The following NRXN1 variants were observed in gnomAD, a reference collection of about 807,000 sequenced individuals.
NRXN1 encodes neurexin 1.
NRXN1 carries 39 observed loss-of-function variants against 150.9 expected under a neutral mutation model. That is an observed-to-expected ratio of 0.26 (90% CI 0.20 to 0.34). NRXN1 has a LOEUF of 0.34. Ranked by LOEUF, NRXN1 falls within the 10% of genes least tolerant of loss-of-function variation. The probability of loss-of-function intolerance (pLI) is 1.00; values close to 1 mark genes in which losing one functional copy is unlikely to be tolerated. For synonymous variants in NRXN1, 924 were observed against 757.0 expected, an observed-to-expected ratio of 1.22 and a Z score of -3.62; for missense variants, 1,815 against 1,949.9, an observed-to-expected ratio of 0.93 and a Z score of 1.30.
chr2:50,298,965 T>C (rs2073897289), intron 17 of NRXN1, among the ~76,000 whole-genome samples: 1 of 152,176 alleles, frequency 6.6e-6, no homozygotes, highest in African/African-American at 2.4e-5. Flanking sequence ...TAATGTCCTG[T>C]CTTCCATAGA....
chr2:50,463,376 T>C (rs978400373), intron 17 of NRXN1, among the ~76,000 whole-genome samples: 6 of 151,796 alleles, frequency 4.0e-5, no homozygotes, highest in Non-Finnish European at 7.4e-5. Context: ...CCACTGAAAC[T>C]CCAACGTATA....
chr2:50,497,243 C>T (rs553401190), intron 14 of NRXN1, 90 bp downstream of exon 14: 3 of 984,612 alleles, frequency 3.0e-6, no homozygotes, highest in Non-Finnish European at 1.4e-6. Context: ...CCTTATGAGC[C>T]AGTATGTTCT....
chr2:50,484,362 T>C (rs1229928122), intron 15 of NRXN1, among the ~76,000 whole-genome samples: 1 of 152,224 alleles, frequency 6.6e-6, no homozygotes, highest in Non-Finnish European at 1.5e-5. Flanking sequence ...TATAGTGTAA[T>C]TTCCTAGTGC....
chr2:50,482,427 TC>T (rs1411394188), intron 15 of NRXN1, among the ~76,000 whole-genome samples: 3 of 152,336 alleles, frequency 2.0e-5, no homozygotes, highest in Admixed American at 6.5e-5. Context: ...TCCTTTTGTC[TC>T]ATCCAAATGA....
At chr2:50,952,315 T>G (rs1009331852) in intron 2 of NRXN1, among the ~76,000 whole-genome samples, 2 of 152,178 alleles carry the variant, frequency 1.3e-5, no homozygotes, top group African/African-American at 4.8e-5. Context: ...AAATTCTATC[T>G]TTTCTCACAC....
intron 2 of NRXN1, among the ~76,000 whole-genome samples, chr2:51,015,137 C>G (rs752975453): frequency 1.3e-5 from 2 of 151,950 alleles, no homozygotes; most frequent in East Asian, 1.9e-4. Context: ...TCTCAATGTC[C>G]TCATTGTTTC....
At chr2:50,301,436 A>G (rs2074140040) in intron 17 of NRXN1, among the ~76,000 whole-genome samples, 2 of 152,220 alleles carry the variant, frequency 1.3e-5, no homozygotes. Flanking sequence ...TTAGCACAAC[A>G]TCATACATTT....
At chr2:50,421,643 A>T (rs2084008206) in intron 17 of NRXN1, among the ~76,000 whole-genome samples, 1 of 152,172 alleles carries the variant, frequency 6.6e-6, no homozygotes, top group African/African-American at 2.4e-5. Context: ...AAACCACTGA[A>T]CTATGTTGAT....
intron 17 of NRXN1, among the ~76,000 whole-genome samples, chr2:50,378,286 T>C (rs193080662): frequency 6.6e-5 from 10 of 152,302 alleles, no homozygotes; most frequent in African/African-American, 1.7e-4. Flanking sequence ...CTGATATTCA[T>C]TGACTATTCA....
chr2:50,555,961 T>C (rs1668178873), intron 8 of NRXN1, among the ~76,000 whole-genome samples: 2 of 152,180 alleles, frequency 1.3e-5, no homozygotes, highest in Admixed American at 1.3e-4. Flanking sequence ...ATATACACTG[T>C]GCTTCTCCTC....
chr2:50,176,515 A>G (rs764407371), intron 18 of NRXN1, among the ~76,000 whole-genome samples: 1 of 152,110 alleles, frequency 6.6e-6, no homozygotes, highest in Non-Finnish European at 1.5e-5. Context: ...GTGACAACCA[A>G]AAATGTCTTC....
chr2:50,758,571 T>C (rs1701426355), intron 5 of NRXN1, among the ~76,000 whole-genome samples: 1 of 151,868 alleles, frequency 6.6e-6, no homozygotes, highest in African/African-American at 2.4e-5. Flanking sequence ...GCCTCCCAAG[T>C]AGCTGGGACT....
intron 21 of NRXN1, among the ~76,000 whole-genome samples, chr2:50,009,207 T>C (rs1311095061): frequency 1.3e-5 from 2 of 152,146 alleles, no homozygotes; most frequent in African/African-American, 4.8e-5. Context: ...CTATAGTTCT[T>C]GATGATCCCT....
At chr2:50,475,850 T>G (rs753237339) in intron 15 of NRXN1, among the ~76,000 whole-genome samples, 3 of 146,636 alleles carry the variant, frequency 2.0e-5, no homozygotes, top group Non-Finnish European at 4.5e-5. Context: ...CAGGTTCTCT[T>G]TTTGATCCTT....
intron 17 of NRXN1, among the ~76,000 whole-genome samples, chr2:50,281,312 G>C (rs1056486515): frequency 7.8e-6 from 1 of 128,506 alleles, no homozygotes; most frequent in Non-Finnish European, 1.7e-5. Flanking sequence ...GCAAGACTCC[G>C]TCTCAAAAAC....
At chr2:50,604,119 C>T (rs1480194949) in intron 8 of NRXN1, among the ~76,000 whole-genome samples, 1 of 152,198 alleles carries the variant, frequency 6.6e-6, no homozygotes, top group African/African-American at 2.4e-5. Flanking sequence ...AGTATATTTA[C>T]ATGGAGGCTT....
intron 5 of NRXN1, among the ~76,000 whole-genome samples, chr2:50,828,455 G>T (rs1166956225): frequency 1.3e-5 from 2 of 149,528 alleles, no homozygotes; most frequent in African/African-American, 2.5e-5. Flanking sequence ...GGGCGGAGGG[G>T]CTCCTCACTT....
At chr2:50,396,661 G>C (rs921460771) in intron 17 of NRXN1, among the ~76,000 whole-genome samples, 12 of 152,222 alleles carry the variant, frequency 7.9e-5, no homozygotes, top group Admixed American at 3.3e-4. Flanking sequence ...AGGAGGCATA[G>C]CAAGGCAAGA....
intron 18 of NRXN1, among the ~76,000 whole-genome samples, chr2:50,165,617 G>A (rs1407949071): frequency 6.6e-6 from 1 of 152,160 alleles, no homozygotes; most frequent in East Asian, 1.9e-4. Context: ...CCGAAGTGCT[G>A]GGATTACAGG....
Sources: allele counts gnomAD v4.1 joint callset (sites outside exome capture counted in the v4.1 genomes callset), GRCh38; gene constraint gnomAD v4.1.1; transcripts MANE v1.5; gene names NCBI Gene and HGNC (gene_info 2026-07-23, HGNC 2026-07-21).